Variants in NMNAT3 observed in about 807,000 individuals in gnomAD.
The protein encoded by NMNAT3 is nicotinamide/nicotinic acid mononucleotide adenylyltransferase 3.
A neutral mutation model predicts 24.8 loss-of-function variants in NMNAT3; 21 were observed. The ratio of observed to expected loss-of-function variants is 0.85; its 90% CI spans 0.60 to 1.22. NMNAT3 has a LOEUF of 1.22. Ranked by LOEUF, NMNAT3 falls within the 50% of genes most tolerant of loss-of-function variation. NMNAT3 has a pLI of 0.00. For synonymous variants in NMNAT3, 136 were observed against 155.2 expected (o/e 0.88, Z 0.92); for missense variants, 387 against 436.6 (o/e 0.89, Z 1.01).
intron 3 of NMNAT3, among the ~76,000 whole-genome samples, chr3:139,588,077 G>T (rs1041289858): frequency 2.0e-5 from 3 of 152,024 alleles, no homozygotes; most frequent in African/African-American, 7.3e-5. Flanking sequence ...ACTCCTTCTT[G>T]CCCTCCAAAT....
At chr3:139,654,465 G>C in intron 1 of NMNAT3, among the ~76,000 whole-genome samples, 1 of 152,218 alleles carries the variant, frequency 6.6e-6, no homozygotes, top group East Asian at 1.9e-4. Context: ...ACCTCCTTCA[G>C]ATGCCGAAAG....
At chr3:139,618,911 C>T (rs1470083862) in intron 3 of NMNAT3, among the ~76,000 whole-genome samples, 1 of 152,154 alleles carries the variant, frequency 6.6e-6, no homozygotes, top group African/African-American at 2.4e-5. Flanking sequence ...TCAACCTCAT[C>T]TCTATGCCTG....
chr3:139,611,382 T>G (rs1286274085), intron 3 of NMNAT3, among the ~76,000 whole-genome samples: 1 of 152,186 alleles, frequency 6.6e-6, no homozygotes, highest in African/African-American at 2.4e-5. Flanking sequence ...ATTTAATCCT[T>G]AAAATAAATA....
chr3:139,677,281 T>G (rs1576819233), intron 1 of NMNAT3, among the ~76,000 whole-genome samples: 1 of 152,318 alleles, frequency 6.6e-6, no homozygotes, highest in African/African-American at 2.4e-5. Flanking sequence ...CACTGGACTG[T>G]GAGCTGCACG....
intron 1 of NMNAT3, among the ~76,000 whole-genome samples, chr3:139,675,139 C>CACACACACACAA (rs764411580): frequency 3.6e-4 from 54 of 151,416 alleles, no homozygotes; most frequent in Middle Eastern, 3.4e-3. Flanking sequence ...TAAACATACA[C>CACACACACACAA]ACACACACAC....
chr3:139,666,249 A>C (rs1051229016), intron 1 of NMNAT3, among the ~76,000 whole-genome samples: 1 of 152,158 alleles, frequency 6.6e-6, no homozygotes, highest in African/African-American at 2.4e-5. Context: ...AAATATGGCA[A>C]AAGTGATACT....
chr3:139,630,903 T>G (rs1439310827), intron 2 of NMNAT3, among the ~76,000 whole-genome samples: 3 of 152,148 alleles, frequency 2.0e-5, no homozygotes, highest in Non-Finnish European at 4.4e-5. Flanking sequence ...TTACAACTGT[T>G]ATGAAGTCTT....
At chr3:139,664,167 A>G (rs1282133325) in intron 1 of NMNAT3, among the ~76,000 whole-genome samples, 5 of 152,206 alleles carry the variant, frequency 3.3e-5, no homozygotes, top group African/African-American at 1.2e-4. Context: ...GAAAATATCA[A>G]ACATATATGA....
rs1423931136 is a variant in NMNAT3 at position 139,593,840 on chromosome 3, AT to A, written c.110-10633del. 5.9e-4 allele frequency among the ~76,000 whole-genome samples: 87 copies of A among 147,758 alleles called. No individual in the cohort carries two copies. In the East Asian group the frequency reaches 0.017, roughly 28 times the overall value. ...TGTAGAGGGAAATTTATAGCACTAA[AT>A]GCCCACAAGAGAAAGCAGGAAAGAT... On this transcript the variant is annotated intron_variant, in intron 3 of 6. Coordinates refer to ENST00000643695, the MANE Select transcript of NMNAT3 (RefSeq NM_001320510.2).
chr3:139,582,190 C>CAAAAAAAAAAA (rs756159164), intron 4 of NMNAT3, among the ~76,000 whole-genome samples: 5 of 23,064 alleles, frequency 2.2e-4, no homozygotes, highest in East Asian at 1.4e-3. Context: ...GACTCCCTCT[C>CAAAAAAAAAAA]AAAAAAAAAA....
chr3:139,601,074 C>T (rs1426291372), intron 3 of NMNAT3, among the ~76,000 whole-genome samples: 2 of 152,188 alleles, frequency 1.3e-5, no homozygotes, highest in African/African-American at 2.4e-5. Context: ...AGCCAGGGAG[C>T]AGGCAGTGAG....
At chr3:139,654,696 G>A (rs2057177916) in intron 1 of NMNAT3, among the ~76,000 whole-genome samples, 1 of 152,242 alleles carries the variant, frequency 6.6e-6, no homozygotes, top group Non-Finnish European at 1.5e-5. Context: ...CCAACTGGCT[G>A]TGGAATGCAT....
intron 3 of NMNAT3, among the ~76,000 whole-genome samples, chr3:139,621,403 G>A (rs1456498629): frequency 6.6e-6 from 1 of 152,172 alleles, no homozygotes; most frequent in Non-Finnish European, 1.5e-5. Context: ...TCGAGACAGG[G>A]CTTTGCTCTG....
chr3:139,670,328 A>C (rs903144598), intron 1 of NMNAT3, among the ~76,000 whole-genome samples: 2 of 152,202 alleles, frequency 1.3e-5, no homozygotes, highest in Non-Finnish European at 2.9e-5. Context: ...GACTGACAGA[A>C]ATGGTATGTG....
chr3:139,568,703 G>A (rs1426552765), intron 6 of NMNAT3: 2 of 152,180 alleles, frequency 1.3e-5, no homozygotes, highest in Non-Finnish European at 2.9e-5. Context: ...TGTGGTCTGA[G>A]GGACAGTTTG....
intron 3 of NMNAT3, among the ~76,000 whole-genome samples, chr3:139,598,006 G>A (rs1438007787): frequency 2.0e-5 from 3 of 152,196 alleles, no homozygotes; most frequent in African/African-American, 7.2e-5. Context: ...AGCTGAAGCT[G>A]ACCAATATAA....
intron 3 of NMNAT3, among the ~76,000 whole-genome samples, chr3:139,594,158 C>G (rs2054333080): frequency 6.6e-6 from 1 of 152,136 alleles, no homozygotes; most frequent in Admixed American, 6.5e-5. Context: ...GAAATACAAA[C>G]TACCATCAGA....
chr3:139,580,837 T>C (rs932664195), intron 4 of NMNAT3, among the ~76,000 whole-genome samples: 2 of 152,164 alleles, frequency 1.3e-5, no homozygotes, highest in African/African-American at 4.8e-5. Context: ...CAATCACCGC[T>C]TTAATCAAGC....
Position 139,627,631 on chromosome 3 carries a change from G to C in NMNAT3, c.94C>G (p.His32Asp). 1 of 1,589,024 alleles carries C rather than the reference G, an allele frequency of 6.3e-7. No individual in the cohort carries two copies. Among genetic ancestry groups the C allele is most frequent in the Non-Finnish European group, 8.5e-7 (1 of 1,174,230 alleles). Reference sequence around the variant, plus strand: ...CCTGACTGACCTGTTTGGTGTAGGTGATCTCTGGCCACCTCAAACATGCGC... The same window carrying C: ...CCTGACTGACCTGTTTGGTGTAGGTCATCTCTGGCCACCTCAAACATGCGC... The change falls in exon 3 of 7, where the codon CAC becomes GAC. Residue 32 changes from histidine to aspartate, a missense_variant. Around this residue, in one of 3 missense-constraint regions of NMNAT3, gnomAD observed 51 missense variants for 55.6 expected, o/e 0.92. Coordinates refer to ENST00000643695, the MANE Select transcript of NMNAT3 (RefSeq NM_001320510.2).
Sources: allele counts gnomAD v4.1 joint callset (sites outside exome capture counted in the v4.1 genomes callset), GRCh38; gene constraint gnomAD v4.1.1; regional missense constraint gnomAD v4.1.1; transcripts MANE v1.5; gene names NCBI Gene and HGNC (gene_info 2026-07-23, HGNC 2026-07-21).